GABRB1: variants seen among roughly 807,000 people sequenced by gnomAD.
GABRB1 encodes gamma-aminobutyric acid receptor subunit beta-1.
In GABRB1, 17 loss-of-function variants were observed where a neutral mutation model predicts 51.6. The ratio of observed to expected loss-of-function variants is 0.33; its 90% CI spans 0.23 to 0.49. The LOEUF (loss-of-function observed/expected upper bound fraction) is 0.49. Ranked by LOEUF, GABRB1 falls within the 20% of genes least tolerant of loss-of-function variation. The probability of loss-of-function intolerance (pLI) is 0.99; values close to 1 mark genes in which losing one functional copy is unlikely to be tolerated. For missense variants in GABRB1, 410 were observed against 600.6 expected (o/e 0.68, Z 3.32); for synonymous variants, 247 against 218.9 (o/e 1.13, Z -1.14).
chr4:47,054,625 A>G (rs1300175758), intron 3 of GABRB1, among the ~76,000 whole-genome samples: 1 of 151,384 alleles, frequency 6.6e-6, no homozygotes, highest in Non-Finnish European at 1.5e-5. Context: ...TTTGTTGCCC[A>G]GGCTGGAGTG....
At chr4:47,408,611 A>C (rs1022902628) in intron 8 of GABRB1, among the ~76,000 whole-genome samples, 2 of 152,202 alleles carry the variant, frequency 1.3e-5, no homozygotes, top group Non-Finnish European at 2.9e-5. Flanking sequence ...GAATCTTCTG[A>C]TCTTATTGTG....
chr4:47,058,170 A>G (rs1726699442), intron 3 of GABRB1, among the ~76,000 whole-genome samples: 1 of 152,222 alleles, frequency 6.6e-6, no homozygotes. Context: ...AGATGCTGAT[A>G]ATACCTAGAG....
chr4:47,322,399 T>G (rs1212189890), intron 5 of GABRB1, among the ~76,000 whole-genome samples: 1 of 152,092 alleles, frequency 6.6e-6, no homozygotes, highest in Admixed American at 6.5e-5. Flanking sequence ...AAGCAAAAAC[T>G]CTTGACTGTA....
intron 3 of GABRB1, among the ~76,000 whole-genome samples, chr4:47,141,746 G>T (rs1716947338): frequency 6.6e-6 from 1 of 151,930 alleles, no homozygotes; most frequent in African/African-American, 2.4e-5. Context: ...CTTCTCTAGA[G>T]ATTCATGCCA....
intron 3 of GABRB1, among the ~76,000 whole-genome samples, chr4:47,144,048 A>T (rs565514358): frequency 6.6e-6 from 1 of 152,118 alleles, no homozygotes; most frequent in South Asian, 2.1e-4. Flanking sequence ...CCTTAACCAC[A>T]CTAAAGGAAG....
chr4:47,126,447 G>A (rs1189727467), intron 3 of GABRB1, among the ~76,000 whole-genome samples: 1 of 152,134 alleles, frequency 6.6e-6, no homozygotes, highest in Non-Finnish European at 1.5e-5. Context: ...TCATAATTAT[G>A]TGAGGTTATA....
In GABRB1 at chr4:47,350,208, TATATATATATAGAGAGAG is replaced by T. The variant is rs1726264939; in HGVS notation, c.544+30001_544+30018del. On this transcript the variant is annotated intron_variant, in intron 5 of 8. Transcript: ENST00000295454. ...TTATATATATATATATATATATATA[TATATATATATAGAGAGAG>T]AGAGAGAGAGAGAGAGAGGTTTTAA... 1.1e-4 allele frequency among the ~76,000 whole-genome samples: 10 copies of T among 91,914 alleles called. No individual in the cohort carries two copies. In the Admixed American group the frequency reaches 1.2e-3, roughly 11 times the overall value. 60.3% of individuals were successfully genotyped at this position (91,914 alleles called of 152,430 possible).
At chr4:47,023,845 G>A (rs1476886446) in intron 1 of GABRB1, among the ~76,000 whole-genome samples, 1 of 151,868 alleles carries the variant, frequency 6.6e-6, no homozygotes, top group Non-Finnish European at 1.5e-5. Flanking sequence ...TTGAGTAAGG[G>A]TGTAAACTAA....
intron 3 of GABRB1, among the ~76,000 whole-genome samples, chr4:47,041,226 C>T (rs1188385373): frequency 6.6e-6 from 1 of 152,030 alleles, no homozygotes; most frequent in African/African-American, 2.4e-5. Context: ...ACTCTCAGGA[C>T]CTTTGCACAA....
At position 47,093,218 on chromosome 4, in the gene GABRB1, G is replaced by A. The variant is rs1714195427; in HGVS notation, c.240+60734G>A. Among the ~76,000 whole-genome samples the A allele has an allele frequency of 5.3e-5, 8 of 152,110 alleles. No homozygotes were observed. The South Asian group carries it at 1.7e-3, about 32-fold the overall frequency. On this transcript the variant is annotated intron_variant, in intron 3 of 8. Transcript: ENST00000295454. The stretch of plus-strand genomic sequence containing the variant: ...TAATTGACCTGTATTATTTTTAGAT[G>A]CGTGTGACTAACCACCACTGAAACG...
At chr4:47,050,883 A>G (rs979427887) in intron 3 of GABRB1, among the ~76,000 whole-genome samples, 2 of 152,060 alleles carry the variant, frequency 1.3e-5, no homozygotes, top group Non-Finnish European at 2.9e-5. Context: ...TTAATTGACT[A>G]GTAATGGAGG....
At chr4:47,060,259 G>A (rs965843400) in intron 3 of GABRB1, among the ~76,000 whole-genome samples, 2 of 152,192 alleles carry the variant, frequency 1.3e-5, no homozygotes, top group African/African-American at 2.4e-5. Flanking sequence ...CACACAGAAA[G>A]TAAGGGAACT....
intron 5 of GABRB1, among the ~76,000 whole-genome samples, chr4:47,389,490 G>A (rs1039278820): frequency 6.6e-6 from 1 of 152,188 alleles, no homozygotes; most frequent in African/African-American, 2.4e-5. Flanking sequence ...TCAGAAAGTA[G>A]TAATATGGCT....
At chr4:47,046,795 T>C (rs990725296) in intron 3 of GABRB1, among the ~76,000 whole-genome samples, 4 of 152,136 alleles carry the variant, frequency 2.6e-5, no homozygotes, top group African/African-American at 7.2e-5. Context: ...ATATACACCA[T>C]GGAATACTAT....
chr4:47,066,634 T>C lies in GABRB1; in HGVS notation c.240+34150T>C, dbSNP rs531468344. Among the ~76,000 whole-genome samples the C allele has an allele frequency of 2.0e-5, 3 of 152,344 alleles. No individual in the cohort carries two copies. The East Asian group carries it at 5.8e-4, about 29-fold the overall frequency. On this transcript the variant is annotated intron_variant, in intron 3 of 8. Transcript: ENST00000295454. ...TTCATCTATAGGAAATAACTCCTCA[T>C]CCATCCAAGTTTTATCATGAGATTG...
chr4:47,247,305 G>C (rs1252711478), intron 4 of GABRB1, among the ~76,000 whole-genome samples: 1 of 152,024 alleles, frequency 6.6e-6, no homozygotes, highest in African/African-American at 2.4e-5. Flanking sequence ...GTTTTGGTTT[G>C]CTTTGTCAAA....
At chr4:47,340,684 T>C (rs1016459368) in intron 5 of GABRB1, among the ~76,000 whole-genome samples, 12 of 152,092 alleles carry the variant, frequency 7.9e-5, no homozygotes, top group African/African-American at 2.9e-4. Flanking sequence ...AACCTCTTAA[T>C]GTCATCACCT....
chr4:47,424,868 T>A (rs1294852876), intron 8 of GABRB1, among the ~76,000 whole-genome samples: 6 of 152,166 alleles, frequency 3.9e-5, no homozygotes, highest in Admixed American at 3.9e-4. Context: ...CCAGGAAACC[T>A]GGGATAGGTA....
intron 4 of GABRB1, among the ~76,000 whole-genome samples, chr4:47,186,813 A>C (rs1719202104): frequency 6.6e-6 from 1 of 151,936 alleles, no homozygotes; most frequent in African/African-American, 2.4e-5. Flanking sequence ...GTTAGCTCTT[A>C]GAGGTGCTTT....
Sources: allele counts gnomAD v4.1 joint callset (sites outside exome capture counted in the v4.1 genomes callset), GRCh38; gene constraint gnomAD v4.1.1; transcripts MANE v1.5; gene names NCBI Gene and HGNC (gene_info 2026-07-23, HGNC 2026-07-21).